Variants in IDH2 observed in about 807,000 individuals in gnomAD.
IDH2 encodes the protein isocitrate dehydrogenase (NADP(+)) 2.
Under a neutral mutation model 50.5 loss-of-function variants are expected in IDH2, and 18 were observed. The ratio of observed to expected loss-of-function variants is 0.36; its 90% CI spans 0.25 to 0.53. The LOEUF (loss-of-function observed/expected upper bound fraction) is 0.53. IDH2 is among the 20% of genes least tolerant of loss of function. IDH2 has a pLI of 0.92. For missense variants in IDH2, 518 were observed against 610.7 expected, an observed-to-expected ratio of 0.85 and a Z score of 1.60; for synonymous variants, 280 against 239.8, an observed-to-expected ratio of 1.17 and a Z score of -1.55.
At chr15:90,097,010 G>C (rs527578606) in intron 1 of IDH2, among the ~76,000 whole-genome samples, 14 of 152,278 alleles carry the variant, frequency 9.2e-5, no homozygotes, top group African/African-American at 3.1e-4. Flanking sequence ...AGCGGGGTCT[G>C]AAAGAGATAT....
At chr15:90,091,286 T>C (rs1002008996) in intron 2 of IDH2, among the ~76,000 whole-genome samples, 3 of 152,212 alleles carry the variant, frequency 2.0e-5, no homozygotes, top group African/African-American at 4.8e-5. Flanking sequence ...AGGATTAACC[T>C]TGAAGCTTCT....
At chr15:90,088,808 AC>A (rs1337046110) in intron 3 of IDH2, 61 bp from the exon 4 acceptor site, 2 of 1,587,158 alleles carry the variant, frequency 1.3e-6, no homozygotes, top group Admixed American at 3.3e-5. Context: ...CAGAATTTGA[AC>A]CCCAAGCAAC....
At chr15:90,086,454 C>T (rs910470321) in intron 7 of IDH2, among the ~76,000 whole-genome samples, 1 of 151,980 alleles carries the variant, frequency 6.6e-6, no homozygotes, top group Non-Finnish European at 1.5e-5. Flanking sequence ...AGTGCAATGG[C>T]GCAATCTCGG....
At chr15:90,092,905 G>C (rs1901082035) in intron 1 of IDH2, among the ~76,000 whole-genome samples, 1 of 152,140 alleles carries the variant, frequency 6.6e-6, no homozygotes, top group African/African-American at 2.4e-5. Context: ...TGTAGAGATG[G>C]AGTCTTGCCC....
rs1000394932 is a variant in IDH2 at position 90,083,054 on chromosome 15, T to C, written c.*1212A>G. 8.6e-5 allele frequency: 13 copies of C among 151,772 alleles called. No homozygotes were observed. The highest frequency in any genetic ancestry group is 2.4e-4 in the African/African-American group (10 of 41,318). 9.4% of individuals were successfully genotyped at this position (151,772 alleles called of 1,614,324 possible). ...ATGCAGAGGACAGTCCTTTTGATTATATGTAGCTTTAGAGCAACTTTTATT... is the reference window on the plus strand; with the variant it reads ...ATGCAGAGGACAGTCCTTTTGATTACATGTAGCTTTAGAGCAACTTTTATT... On this transcript the variant is annotated 3_prime_UTR_variant, in exon 11 of 11. Coordinates refer to ENST00000330062, the MANE Select transcript of IDH2 (RefSeq NM_002168.4).
chr15:90,096,126 G>A (rs1426914068), intron 1 of IDH2, among the ~76,000 whole-genome samples: 3 of 151,954 alleles, frequency 2.0e-5, no homozygotes, highest in Non-Finnish European at 2.9e-5. Context: ...GTGAAACTCT[G>A]TGTCTACTAA....
chr15:90,085,236 G>T lies in IDH2; in HGVS notation c.1080+39C>A, dbSNP rs548976610. 6.6e-7 allele frequency: 1 copy of T among 1,515,158 alleles called. No homozygotes were observed. The highest frequency in any genetic ancestry group is 1.2e-5 in the South Asian group (1 of 85,972). The allele number at this position is 1,515,158 out of a possible 1,614,324, so 93.9% of individuals were successfully genotyped here. On this transcript the variant is annotated intron_variant, in intron 8 of 10. Coordinates refer to ENST00000330062, the MANE Select transcript of IDH2 (RefSeq NM_002168.4). This position sits in a 1 kb window ranked among gnomAD's most constrained non-coding sequence, Gnocchi z 5.5. ...AGCCCAGTGGGCTTTAGGCCCCTGG[G>T]GTAGAGGGGCATTGTGAGGCCCCAT...
chr15:90,084,077 G>A lies in IDH2; in HGVS notation c.*189C>T, dbSNP rs374082123. ...ACATACTGACTGGCTGAGGTAAAAC[G>A]CACTGCTCCTGCCTCACGTCACCAT... On this transcript the variant is annotated 3_prime_UTR_variant, in exon 11 of 11. Transcript: ENST00000330062. The surrounding 1 kb of genome is among the most constrained non-coding windows in gnomAD (Gnocchi z 5.0). 1.6e-5 allele frequency: 10 copies of A among 607,798 alleles called. No individual in the cohort carries two copies. Among genetic ancestry groups the A allele is most frequent in the South Asian group, 5.8e-5 (3 of 51,896 alleles). The allele number at this position is 607,798 out of a possible 1,614,324, so 37.7% of individuals were successfully genotyped here.
intron 1 of IDH2, among the ~76,000 whole-genome samples, chr15:90,095,626 T>G (rs1473643406): frequency 6.6e-6 from 1 of 152,198 alleles, no homozygotes; most frequent in Non-Finnish European, 1.5e-5. Context: ...AAAGACCTGA[T>G]GTGTCAAACC....
chr15:90,096,923 AAAAAG>A (rs1207133090), intron 1 of IDH2, among the ~76,000 whole-genome samples: 44 of 152,324 alleles, frequency 2.9e-4, no homozygotes, highest in African/African-American at 9.4e-4. Context: ...CTCGAAAAAA[AAAAAG>A]AAAAGAAAAG....
chr15:90,088,390 C>A lies in IDH2; in HGVS notation c.647G>T (p.Gly216Val). ...EWEVYNFPAG[G>V]VGMGMYNTDE... is the part of the protein sequence containing the mutation. ...GGTGTTGTACATGCCCATGCCCACG[C>A]CGCCTGCGGGGAAGTTGTACACTTC... Residue 216 changes from glycine to valine, a missense_variant, in exon 5 of 11, where the codon GGC becomes GTC. Around this residue, in one of 5 missense-constraint regions of IDH2, gnomAD observed 207 missense variants for 208.6 expected, o/e 0.99. Coordinates refer to ENST00000330062, the MANE Select transcript of IDH2 (RefSeq NM_002168.4). 6.2e-7 allele frequency: 1 copy of A among 1,614,128 alleles called. No individual in the cohort carries two copies. The highest frequency in any genetic ancestry group is 8.5e-7 in the Non-Finnish European group (1 of 1,180,046).
intron 3 of IDH2, 30 bp from the exon 4 acceptor site, chr15:90,088,777 C>G (rs1367804309): frequency 1.2e-6 from 2 of 1,613,028 alleles, no homozygotes; most frequent in Non-Finnish European, 1.7e-6. Context: ...AGTGGTCCCA[C>G]TGCAGCCGCC....
At chr15:90,089,152 G>A (rs1900962947) in intron 3 of IDH2, among the ~76,000 whole-genome samples, 1 of 152,034 alleles carries the variant, frequency 6.6e-6, no homozygotes, top group African/African-American at 2.4e-5. Flanking sequence ...AACCTCAGGT[G>A]ATCCACCCGC....
At chr15:90,097,264 A>T (rs531360886) in intron 1 of IDH2, among the ~76,000 whole-genome samples, 166 of 152,356 alleles carry the variant, frequency 1.1e-3, no homozygotes, top group African/African-American at 3.8e-3. Context: ...TCATTACAGT[A>T]TATTGTTATA....
rs59583363 is a variant in IDH2 at position 90,083,119 on chromosome 15, A to ATTTTTTTTTTTTTTTTTTTT, written c.*1127_*1146dup. On this transcript the variant is annotated 3_prime_UTR_variant, in exon 11 of 11. Coordinates refer to ENST00000330062, the MANE Select transcript of IDH2 (RefSeq NM_002168.4). ...GGGGCTAAAAAACTTGCATAGAGCA[A>ATTTTTTTTTTTTTTTTTTTT]TTTTTTTTTTTTTTTTTTTTTTTTT... The ATTTTTTTTTTTTTTTTTTTT allele has an allele frequency of 1.6e-5, 1 of 62,656 alleles. No individual in the cohort carries two copies. The allele number at this position is 62,656 out of a possible 1,614,324, so 3.9% of individuals were successfully genotyped here.
chr15:90,097,081 T>G (rs1385004496), intron 1 of IDH2, among the ~76,000 whole-genome samples: 2 of 152,188 alleles, frequency 1.3e-5, no homozygotes, highest in African/African-American at 4.8e-5. Context: ...GCAACCCACG[T>G]GTCCATCACA....
In IDH2 at chr15:90,100,540, C is replaced by T. The variant is rs1901301545; in HGVS notation, c.115+1736G>A. 1.3e-6 allele frequency: 1 copy of T among 765,524 alleles called. No individual in the cohort carries two copies. Among genetic ancestry groups the T allele is most frequent in the Non-Finnish European group, 1.6e-6 (1 of 629,066 alleles). The allele number at this position is 765,524 out of a possible 1,614,324, so 47.4% of individuals were successfully genotyped here. A position where few individuals can be genotyped will look rare whatever the true frequency, so the allele number is the denominator to read the frequency against. On this transcript the variant is annotated intron_variant, in intron 1 of 10. Coordinates refer to ENST00000330062, the MANE Select transcript of IDH2 (RefSeq NM_002168.4). The surrounding 1 kb of genome is among the most constrained non-coding windows in gnomAD (Gnocchi z 4.1). ...AGTAATTCTGCCACTGAGCCGTTCA[C>T]AGAACTGGTCCGCACTGCCCCAAGC...
At chr15:90,086,870 G>A (rs1900872004) in intron 7 of IDH2, among the ~76,000 whole-genome samples, 1 of 152,098 alleles carries the variant, frequency 6.6e-6, no homozygotes. Flanking sequence ...TGTCAACCTA[G>A]CCCTGGAATT....
Position 90,091,580 on chromosome 15 carries a change from A to G in IDH2, c.180T>C (p.Arg60=), listed in dbSNP as rs1596076723. 6.2e-7 allele frequency: 1 copy of G among 1,614,084 alleles called. No homozygotes were observed. The highest frequency in any genetic ancestry group is 8.5e-7 in the Non-Finnish European group (1 of 1,179,964). Residue 60 remains arginine, a synonymous_variant, in exon 2 of 11, where the codon CGT becomes CGC. Coordinates refer to ENST00000330062, the MANE Select transcript of IDH2 (RefSeq NM_002168.4). ...VVEMDGDEMT[R]IIWQFIKEKL... ...TCTCCTTGATGAACTGCCAGATAATACGGGTCATCTCATCACCATCCATCT... is the reference window on the plus strand; with the variant it reads ...TCTCCTTGATGAACTGCCAGATAATGCGGGTCATCTCATCACCATCCATCT...
Sources: gnomAD v4.1 joint callset for allele counts (sites outside exome capture counted in the v4.1 genomes callset) on GRCh38, gnomAD v4.1.1 for gene constraint, gnomAD v4.1.1 regional missense constraint, Gnocchi (gnomAD v3.1) non-coding constraint, MANE v1.5 for transcripts, NCBI Gene and HGNC (gene_info 2026-07-23, HGNC 2026-07-21) for gene names.